The following MYLK4 variants were observed in gnomAD, a reference collection of about 807,000 sequenced individuals.
MYLK4 encodes myosin light chain kinase family member 4.
In MYLK4, 46 loss-of-function variants were observed where a neutral mutation model predicts 48.1. The ratio of observed to expected loss-of-function variants is 0.96; its 90% CI spans 0.75 to 1.22. The LOEUF (loss-of-function observed/expected upper bound fraction) is 1.22. MYLK4 is among the 50% of genes most tolerant of loss of function. The pLI, the probability that MYLK4 is intolerant of heterozygous loss-of-function variation, is 0.00. For synonymous variants in MYLK4, 170 were observed against 180.8 expected, an observed-to-expected ratio of 0.94 and a Z score of 0.48; for missense variants, 451 against 486.1, an observed-to-expected ratio of 0.93 and a Z score of 0.68.
chr6:2,715,241 C>T (rs1226218393), intron 2 of MYLK4, among the ~76,000 whole-genome samples: 1 of 126,896 alleles, frequency 7.9e-6, no homozygotes, highest in Non-Finnish European at 1.6e-5. Flanking sequence ...GCCTGGGCAA[C>T]AAGAGCAAGA....
the MYLK4 span, among the ~76,000 whole-genome samples, chr6:2,764,292 C>G: frequency 2.6e-5 from 4 of 152,198 alleles, no homozygotes; most frequent in Admixed American, 2.6e-4. Flanking sequence ...GTGGCTCAGC[C>G]TGTAACCCCA....
the MYLK4 span, among the ~76,000 whole-genome samples, chr6:2,756,784 A>G: frequency 6.6e-6 from 1 of 152,254 alleles, no homozygotes; most frequent in African/African-American, 2.4e-5. Flanking sequence ...CATTCTAAAC[A>G]ATTGAGGAAA....
intron 2 of MYLK4, among the ~76,000 whole-genome samples, chr6:2,729,037 G>C (rs948934612): frequency 1.3e-4 from 20 of 152,260 alleles, no homozygotes; most frequent in African/African-American, 4.8e-4. Context: ...GGTTCAAGGA[G>C]ATACCCACTC....
chr6:2,677,149 C>T (rs979710029), intron 10 of MYLK4, among the ~76,000 whole-genome samples: 4 of 152,144 alleles, frequency 2.6e-5, no homozygotes, highest in Non-Finnish European at 5.9e-5. Context: ...TTGTGTTAAC[C>T]ACATTTTATT....
chr6:2,731,922 G>C (rs901070334), intron 2 of MYLK4, among the ~76,000 whole-genome samples: 1 of 152,236 alleles, frequency 6.6e-6, no homozygotes, highest in Non-Finnish European at 1.5e-5. Flanking sequence ...CATTCTTTGA[G>C]TAGTGGGGAG....
At chr6:2,683,391 TTGTGTGTGTGTGTGTGTGTG>T (rs67359849) in intron 6 of MYLK4, among the ~76,000 whole-genome samples, 1 of 126,584 alleles carries the variant, frequency 7.9e-6, no homozygotes, top group African/African-American at 2.9e-5. Flanking sequence ...CCCCACCTTT[TTGTGTGTGTGTGTGTGTGTG>T]TGTGTGTGTG....
At chr6:2,687,427 AACAG>A (rs1290711890) in intron 4 of MYLK4, among the ~76,000 whole-genome samples, 1 of 152,206 alleles carries the variant, frequency 6.6e-6, no homozygotes, top group African/African-American at 2.4e-5. Context: ...ATGGTGCCCA[AACAG>A]ACAGAAAGGA....
upstream of MYLK4, among the ~76,000 whole-genome samples, chr6:2,751,179 T>C (rs187528485): frequency 3.0e-4 from 45 of 152,350 alleles, no homozygotes; most frequent in African/African-American, 8.7e-4. Context: ...GGCAATCATC[T>C]GCCTGGACCT....
chr6:2,760,432 T>C, the MYLK4 span, among the ~76,000 whole-genome samples: 1 of 152,196 alleles, frequency 6.6e-6, no homozygotes, highest in South Asian at 2.1e-4. Context: ...GAGTTTTTAT[T>C]GAGGTTTCAT....
At chr6:2,695,962 A>G (rs1762045895) in intron 2 of MYLK4, among the ~76,000 whole-genome samples, 1 of 152,236 alleles carries the variant, frequency 6.6e-6, no homozygotes, top group African/African-American at 2.4e-5. Context: ...TGGGATGAAA[A>G]CCATGTCAGT....
chr6:2,719,415 A>G (rs1463109492), intron 2 of MYLK4, among the ~76,000 whole-genome samples: 1 of 152,228 alleles, frequency 6.6e-6, no homozygotes, highest in Non-Finnish European at 1.5e-5. Context: ...ATAGTTCTTG[A>G]AAGAGTCAAA....
chr6:2,763,023 C>G, the MYLK4 span, among the ~76,000 whole-genome samples: 2 of 152,322 alleles, frequency 1.3e-5, no homozygotes, highest in East Asian at 3.9e-4. Flanking sequence ...GGGTCTCCAT[C>G]GCCAGCTCTA....
chr6:2,742,112 AT>A (rs1763918052), intron 2 of MYLK4, among the ~76,000 whole-genome samples: 3 of 152,194 alleles, frequency 2.0e-5, no homozygotes, highest in African/African-American at 7.2e-5. Context: ...CCTTTCTTCC[AT>A]CTCTTTCACT....
intron 2 of MYLK4, among the ~76,000 whole-genome samples, chr6:2,699,699 T>A (rs1042922871): frequency 6.6e-6 from 1 of 152,172 alleles, no homozygotes; most frequent in African/African-American, 2.4e-5. Flanking sequence ...TCAAAACTTT[T>A]TATAAATATA....
At chr6:2,766,120 G>C in the MYLK4 span, 1 of 1,324,162 alleles carries the variant, frequency 7.6e-7, no homozygotes, top group Non-Finnish European at 9.6e-7. Context: ...AGGAGGAGGA[G>C]GAGGCCGTGG....
intron 2 of MYLK4, among the ~76,000 whole-genome samples, chr6:2,746,746 G>GT (rs1424968268): frequency 9.2e-5 from 14 of 152,212 alleles, no homozygotes; most frequent in Admixed American, 7.9e-4. Context: ...CGACAAGCAT[G>GT]TTTTTATAGT....
At chr6:2,765,904 CGAGGGTGAG>C in the MYLK4 span, 23 of 1,456,162 alleles carry the variant, frequency 1.6e-5, no homozygotes, top group South Asian at 6.6e-5. Context: ...GCAGCGAGGG[CGAGGGTGAG>C]GAGGGCGACG....
chr6:2,715,375 G>A (rs1762831734), intron 2 of MYLK4, among the ~76,000 whole-genome samples: 1 of 152,022 alleles, frequency 6.6e-6, no homozygotes, highest in Non-Finnish European at 1.5e-5. Flanking sequence ...TCATTGAATT[G>A]GACACTTAAT....
Position 2,743,052 on chromosome 6 carries a change from G to A in MYLK4, c.159+6084C>T, listed in dbSNP as rs1763952307. On this transcript the variant is annotated intron_variant, in intron 2 of 12. Coordinates refer to ENST00000274643, the MANE Select transcript of MYLK4 (RefSeq NM_001012418.5). ...CTCTTTTTACGTATAAAGCACAGAG[G>A]TACAAACAATGCATCAACAGCTATG... 1.3e-5 allele frequency among the ~76,000 whole-genome samples: 2 copies of A among 151,928 alleles called. 1 individual carries two copies. Among genetic ancestry groups the A allele is most frequent in the South Asian group, 4.2e-4 (2 of 4,814 alleles).
Sources: allele counts gnomAD v4.1 joint callset (sites outside exome capture counted in the v4.1 genomes callset), GRCh38; gene constraint gnomAD v4.1.1; transcripts MANE v1.5; gene names NCBI Gene and HGNC (gene_info 2026-07-23, HGNC 2026-07-21).